PTPRB: variants seen among roughly 807,000 people sequenced by gnomAD.
PTPRB encodes protein tyrosine phosphatase receptor type B.
A neutral mutation model predicts 238.1 loss-of-function variants in PTPRB; 97 were observed. The ratio of observed to expected loss-of-function variants is 0.41; its 90% CI spans 0.35 to 0.48. PTPRB has a LOEUF of 0.48. PTPRB is among the 20% of genes least tolerant of loss of function. The pLI is 0.30. For synonymous variants in PTPRB, 970 were observed against 995.4 expected (o/e 0.97, Z 0.48); for missense variants, 2,292 against 2,681.9 (o/e 0.85, Z 3.21).
At chr12:70,595,672 A>C (rs986427863) in intron 5 of PTPRB, among the ~76,000 whole-genome samples, 1 of 152,212 alleles carries the variant, frequency 6.6e-6, no homozygotes, top group Non-Finnish European at 1.5e-5. Context: ...TGTTATGAGA[A>C]GAGTATACAA....
chr12:70,605,780 C>T (rs550176954), intron 4 of PTPRB, among the ~76,000 whole-genome samples: 50 of 152,260 alleles, frequency 3.3e-4, no homozygotes, highest in Admixed American at 2.7e-3. Flanking sequence ...TTCACAAACA[C>T]TACATGAGCC....
intron 21 of PTPRB, among the ~76,000 whole-genome samples, chr12:70,546,113 G>A (rs1052511484): frequency 2.7e-5 from 4 of 149,636 alleles, no homozygotes; most frequent in Non-Finnish European, 4.4e-5. Context: ...CTCCAGCCTG[G>A]GTGACAAAGC....
chr12:70,577,697 T>C (rs1462133651), intron 10 of PTPRB, among the ~76,000 whole-genome samples: 1 of 152,210 alleles, frequency 6.6e-6, no homozygotes, highest in Non-Finnish European at 1.5e-5. Flanking sequence ...TCTAATGTAA[T>C]ATGTTCGGAC....
chr12:70,601,880 C>T lies in PTPRB; in HGVS notation c.980-5553G>A, dbSNP rs1245598096. On this transcript the variant is annotated intron_variant, in intron 4 of 33. Transcript: ENST00000334414. ...GATCTTGGCTCACTGCAAGCTCCGCCTCCCAGGTCCTGCCATTCCCCTGCC... is the reference window on the plus strand; with the variant it reads ...GATCTTGGCTCACTGCAAGCTCCGCTTCCCAGGTCCTGCCATTCCCCTGCC... Among the ~76,000 whole-genome samples the T allele has an allele frequency of 7.3e-5, 11 of 150,444 alleles. No individual in the cohort carries two copies. In the South Asian group the frequency reaches 2.3e-3, roughly 32 times the overall value.
intron 13 of PTPRB, 115 bp downstream of exon 13, chr12:70,570,911 C>T: frequency 8.8e-7 from 1 of 1,130,434 alleles, no homozygotes; most frequent in Non-Finnish European, 1.3e-6. Context: ...TGACTTTGTC[C>T]CTTCTTGCTG....
Position 70,571,034 on chromosome 12 carries a change from C to T in PTPRB, c.3362G>A (p.Gly1121Asp). ...ACAGTATTTCACATTACCTGTGAAG[C>T]CCTCAATGAAGGCTGACTGCTGTAC... ...GDVQQSAFIE[G>D]FTVPSAVKNI... The change falls in exon 13 of 34, where the codon GGC becomes GAC. Residue 1121 changes from glycine to aspartate, a missense_variant. Physicochemically the swap from Gly to Asp is moderately conservative, Grantham distance 94. This residue lies in a region of PTPRB where 683 missense variants were observed against 862.0 expected (regional missense o/e 0.79). Transcript: ENST00000334414. 1 of 1,613,890 alleles carries T rather than the reference C, an allele frequency of 6.2e-7. No homozygotes were observed. Among genetic ancestry groups the T allele is most frequent in the Non-Finnish European group, 8.5e-7 (1 of 1,179,820 alleles).
chr12:70,531,963 G>T, intron 32 of PTPRB, 72 bp downstream of exon 32: 1 of 1,558,482 alleles, frequency 6.4e-7, no homozygotes, highest in Non-Finnish European at 8.8e-7. Flanking sequence ...TCAGATTAAG[G>T]TCCTGGATAT....
intron 7 of PTPRB, 158 bp downstream of exon 7, chr12:70,592,124 C>T (rs1231638553): frequency 2.3e-5 from 22 of 968,882 alleles, no homozygotes; most frequent in Non-Finnish European, 9.0e-6. Context: ...GCCTAAGTGA[C>T]TCAGAAGAAT....
At chr12:70,567,224 C>A (rs1355941395) in intron 14 of PTPRB, among the ~76,000 whole-genome samples, 1 of 152,154 alleles carries the variant, frequency 6.6e-6, no homozygotes, top group Non-Finnish European at 1.5e-5. Context: ...GTACTAGGTT[C>A]ATTTCTTTTC....
Position 70,541,846 on chromosome 12 carries a change from T to C in PTPRB, c.5495-889A>G, listed in dbSNP as rs573192023. The C allele has an allele frequency of 2.6e-5, 4 of 152,296 alleles. No individual in the cohort carries two copies. The East Asian group carries it at 5.8e-4, about 22-fold the overall frequency. The allele number at this position is 152,296 out of a possible 1,614,324, so 9.4% of individuals were successfully genotyped here. A position where few individuals can be genotyped will look rare whatever the true frequency, so the allele number is the denominator to read the frequency against. On this transcript the variant is annotated intron_variant, in intron 22 of 33. Coordinates refer to ENST00000334414, the MANE Select transcript of PTPRB (RefSeq NM_001109754.4). ...GTCCATTGTATGGATATATCACATT[T>C]TGTTTATCCATTGATGGACATTTAA...
intron 7 of PTPRB, among the ~76,000 whole-genome samples, chr12:70,591,090 C>G (rs1882450002): frequency 6.7e-6 from 1 of 149,292 alleles, no homozygotes; most frequent in Non-Finnish European, 1.5e-5. Context: ...GTCACCATGC[C>G]CAGCTAATTA....
In PTPRB at chr12:70,536,058, G is replaced by A. The variant is rs890825053; in HGVS notation, c.6048C>T (p.Ile2016=). 3.1e-6 allele frequency: 5 copies of A among 1,613,782 alleles called. No homozygotes were observed. Among genetic ancestry groups the A allele is most frequent in the Middle Eastern group, 1.7e-4 (1 of 5,992 alleles). Residue 2016 remains isoleucine (I), a synonymous_variant, in exon 29 of 34, where the codon ATC becomes ATT. Transcript: ENST00000334414. ...TCTCAACACACTGGGTCACCATGAC[G>A]ATGTTGTGAACGTTTTGTTCCCACA... ...KMVWEQNVHN[I]VMVTQCVEKG...
intron 22 of PTPRB, chr12:70,542,833 G>A (rs1271725442): frequency 6.7e-6 from 1 of 150,100 alleles, no homozygotes; most frequent in Non-Finnish European, 1.5e-5. Context: ...CTTGCAGCGA[G>A]CCGAGATCGC....
At chr12:70,559,728 A>C in intron 17 of PTPRB, 104 bp from the exon 18 acceptor site, 1 of 1,102,952 alleles carries the variant, frequency 9.1e-7, no homozygotes, top group Non-Finnish European at 1.3e-6. Context: ...TGTACTTTGT[A>C]GGAAGAGATA....
chr12:70,561,949 A>C (rs1878537323), intron 16 of PTPRB, among the ~76,000 whole-genome samples: 1 of 152,196 alleles, frequency 6.6e-6, no homozygotes, highest in Non-Finnish European at 1.5e-5. Context: ...AAGAGCACCT[A>C]AAACTATTGT....
intron 2 of PTPRB, among the ~76,000 whole-genome samples, chr12:70,633,543 T>C (rs545768263): frequency 1.1e-4 from 17 of 152,310 alleles, no homozygotes; most frequent in Admixed American, 1.1e-3. Flanking sequence ...ATAATTGTGT[T>C]AAAGCAAAAG....
intron 15 of PTPRB, 69 bp downstream of exon 15, chr12:70,566,366 C>T (rs1879294902): frequency 1.2e-5 from 18 of 1,543,552 alleles, no homozygotes; most frequent in Middle Eastern, 3.5e-4. Context: ...ATCCCTCTCA[C>T]CCTGGGGTTC....
chr12:70,548,395 T>C (rs1422892752), intron 21 of PTPRB, among the ~76,000 whole-genome samples: 1 of 149,958 alleles, frequency 6.7e-6, no homozygotes, highest in Non-Finnish European at 1.5e-5. Context: ...CGCCATGACT[T>C]TTGTAGGAAG....
At chr12:70,556,207 G>C (rs1877653657) in intron 18 of PTPRB, 59 bp from the exon 19 acceptor site, 2 of 1,093,458 alleles carry the variant, frequency 1.8e-6, no homozygotes, top group Admixed American at 2.2e-5. Context: ...TTTTTTTTCA[G>C]CTCCTTTGGG....
Sources: gnomAD v4.1 joint callset for allele counts (sites outside exome capture counted in the v4.1 genomes callset) on GRCh38, gnomAD v4.1.1 for gene constraint, gnomAD v4.1.1 regional missense constraint, MANE v1.5 for transcripts, NCBI Gene and HGNC (gene_info 2026-07-23, HGNC 2026-07-21) for gene names.